The following CDH13 variants were observed in gnomAD, a reference collection of about 807,000 sequenced individuals.
CDH13 encodes the protein cadherin-13.
Under a neutral mutation model 63.8 loss-of-function variants are expected in CDH13, and 24 were observed. That is an observed-to-expected ratio of 0.38 (90% CI 0.27 to 0.53). CDH13 has a LOEUF of 0.53. Ranked by LOEUF, CDH13 falls within the 20% of genes least tolerant of loss-of-function variation. The probability of loss-of-function intolerance (pLI) is 0.85; values close to 1 mark genes in which losing one functional copy is unlikely to be tolerated. For missense variants in CDH13, 1,049 were observed against 903.1 expected (o/e 1.16, Z -2.07); for synonymous variants, 503 against 355.3 (o/e 1.42, Z -4.67).
intron 7 of CDH13, among the ~76,000 whole-genome samples, chr16:83,506,652 G>A (rs1229983793): frequency 6.6e-6 from 1 of 152,314 alleles, no homozygotes; most frequent in East Asian, 1.9e-4. Flanking sequence ...ACATCGAATA[G>A]GAATGACTTG....
chr16:83,330,053 A>C (rs1044882127), intron 5 of CDH13, among the ~76,000 whole-genome samples: 2 of 152,210 alleles, frequency 1.3e-5, no homozygotes, highest in African/African-American at 4.8e-5. Flanking sequence ...CAGAAATGGG[A>C]TGCAAATTAA....
At chr16:82,833,581 C>T (rs1014354978) in intron 1 of CDH13, among the ~76,000 whole-genome samples, 2 of 152,216 alleles carry the variant, frequency 1.3e-5, no homozygotes, top group African/African-American at 4.8e-5. Flanking sequence ...CCAGGGCTTT[C>T]CATTGCTTGT....
chr16:82,777,643 G>A (rs1249276807), intron 1 of CDH13, among the ~76,000 whole-genome samples: 2 of 152,182 alleles, frequency 1.3e-5, no homozygotes, highest in African/African-American at 4.8e-5. Flanking sequence ...CACAATTTCT[G>A]TGCAGCAAGA....
At chr16:82,801,967 G>A (rs189169524) in intron 1 of CDH13, among the ~76,000 whole-genome samples, 44 of 152,340 alleles carry the variant, frequency 2.9e-4, no homozygotes, top group Non-Finnish European at 5.6e-4. Context: ...ATAAGTGGAA[G>A]GCAATACAGT....
At chr16:83,439,273 A>C (rs1347837087) in intron 6 of CDH13, among the ~76,000 whole-genome samples, 1 of 152,216 alleles carries the variant, frequency 6.6e-6, no homozygotes, top group African/African-American at 2.4e-5. Flanking sequence ...TATTAATACT[A>C]TTTATTGTTA....
intron 2 of CDH13, among the ~76,000 whole-genome samples, chr16:82,918,469 G>C (rs1394849810): frequency 3.3e-5 from 5 of 151,156 alleles, no homozygotes; most frequent in Non-Finnish European, 7.4e-5. Flanking sequence ...CCTAGAAATA[G>C]GATGTCTCTC....
At chr16:82,736,957 C>T (rs186310716) in intron 1 of CDH13, among the ~76,000 whole-genome samples, 1 of 152,200 alleles carries the variant, frequency 6.6e-6, no homozygotes, top group Non-Finnish European at 1.5e-5. Flanking sequence ...TTCCTCCCCT[C>T]TGAATATTCC....
At chr16:83,654,128 A>T (rs1430602756) in intron 8 of CDH13, among the ~76,000 whole-genome samples, 1 of 152,096 alleles carries the variant, frequency 6.6e-6, no homozygotes, top group Non-Finnish European at 1.5e-5. Context: ...AAGTGTGGAT[A>T]GAGGATGAAT....
At chr16:83,757,893 C>T (rs149495383) in intron 11 of CDH13, among the ~76,000 whole-genome samples, 211 of 151,676 alleles carry the variant, frequency 1.4e-3, no homozygotes, top group African/African-American at 4.6e-3. Context: ...CTTTGGAGGC[C>T]GAGGCAGGAA....
chr16:83,525,156 C>T (rs952250928), intron 7 of CDH13, among the ~76,000 whole-genome samples: 2 of 152,202 alleles, frequency 1.3e-5, no homozygotes, highest in African/African-American at 4.8e-5. Flanking sequence ...TTGGCTCTAT[C>T]TGTGCCTCAT....
intron 10 of CDH13, among the ~76,000 whole-genome samples, chr16:83,698,621 G>A (rs867806194): frequency 1.6e-4 from 25 of 152,364 alleles, no homozygotes; most frequent in Middle Eastern, 3.4e-3. Context: ...GGCGGTATGA[G>A]GAGGATGCTT....
chr16:83,297,100 G>A (rs1315763065), intron 5 of CDH13, among the ~76,000 whole-genome samples: 7 of 152,170 alleles, frequency 4.6e-5, no homozygotes, highest in Non-Finnish European at 1.0e-4. Context: ...GGGTAGGAGA[G>A]AGGATGGTCA....
chr16:83,306,443 C>T (rs527482756), intron 5 of CDH13, among the ~76,000 whole-genome samples: 35 of 152,158 alleles, frequency 2.3e-4, no homozygotes, highest in African/African-American at 8.4e-4. Flanking sequence ...GGATTAACTC[C>T]CCTGAAAGGA....
chr16:83,590,598 G>T (rs1906640703), intron 7 of CDH13, among the ~76,000 whole-genome samples: 1 of 151,872 alleles, frequency 6.6e-6, no homozygotes, highest in South Asian at 2.1e-4. Context: ...TCTCGAAATG[G>T]ACGTAAAAAA....
At chr16:83,545,375 T>C (rs988004774) in intron 7 of CDH13, among the ~76,000 whole-genome samples, 1 of 152,212 alleles carries the variant, frequency 6.6e-6, no homozygotes, top group Non-Finnish European at 1.5e-5. Context: ...CAGGGGAAGA[T>C]TCATTAATTT....
At chr16:82,866,298 T>C (rs940008969) in intron 2 of CDH13, among the ~76,000 whole-genome samples, 1 of 152,036 alleles carries the variant, frequency 6.6e-6, no homozygotes, top group South Asian at 2.1e-4. Flanking sequence ...TTCCTCATTT[T>C]TGGGTATCCT....
chr16:82,771,050 AAATT>A (rs1316616445), intron 1 of CDH13, among the ~76,000 whole-genome samples: 1 of 152,210 alleles, frequency 6.6e-6, no homozygotes, highest in African/African-American at 2.4e-5. Flanking sequence ...TATTTTTAAA[AAATT>A]AAGTTGTGAC....
chr16:83,708,218 C>T (rs997550999), intron 10 of CDH13, among the ~76,000 whole-genome samples: 2 of 152,248 alleles, frequency 1.3e-5, no homozygotes, highest in Non-Finnish European at 2.9e-5. Flanking sequence ...CTCATGGCCA[C>T]ATGCCTTGCA....
intron 2 of CDH13, among the ~76,000 whole-genome samples, chr16:83,013,910 C>G (rs1914412057): frequency 6.6e-6 from 1 of 152,118 alleles, no homozygotes; most frequent in Non-Finnish European, 1.5e-5. Context: ...GAAATTGGGA[C>G]TCTGGTAAGC....
Sources: gnomAD v4.1 joint callset for allele counts (sites outside exome capture counted in the v4.1 genomes callset) on GRCh38, gnomAD v4.1.1 for gene constraint, MANE v1.5 for transcripts, NCBI Gene and HGNC (gene_info 2026-07-23, HGNC 2026-07-21) for gene names.